PRSS12: variants seen among roughly 807,000 people sequenced by gnomAD.
The protein encoded by PRSS12 is neurotrypsin.
Under a neutral mutation model 104.4 loss-of-function variants are expected in PRSS12, and 85 were observed. That is an observed-to-expected ratio of 0.81 (90% CI 0.68 to 0.98). PRSS12 has a LOEUF of 0.98. PRSS12 is among the 50% of genes least tolerant of loss of function. The probability of loss-of-function intolerance (pLI) is 0.00; values close to 1 mark genes in which losing one functional copy is unlikely to be tolerated. For synonymous variants in PRSS12, 454 were observed against 425.2 expected (o/e 1.07, Z -0.83); for missense variants, 1,141 against 1,139.2 (o/e 1.00, Z -0.02).
At chr4:118,326,287 C>T (rs1481022381) in intron 4 of PRSS12, among the ~76,000 whole-genome samples, 1 of 152,184 alleles carries the variant, frequency 6.6e-6, no homozygotes, top group Non-Finnish European at 1.5e-5. Context: ...TCCCCGCCAT[C>T]TCCAATAATG....
chr4:118,294,514 C>T (rs1743209444), intron 11 of PRSS12, among the ~76,000 whole-genome samples: 1 of 152,154 alleles, frequency 6.6e-6, no homozygotes, highest in South Asian at 2.1e-4. Flanking sequence ...AAGAATGAAA[C>T]ATATGCAACC....
rs375473242 is a variant in PRSS12 at position 118,349,279 on chromosome 4, C to T, written c.502+2940G>A. On this transcript the variant is annotated intron_variant, in intron 1 of 12. Coordinates refer to ENST00000296498, the MANE Select transcript of PRSS12 (RefSeq NM_003619.4). ...ATATGTCGGGCATGGTAGCTCTTGC[C>T]TGTAATCCCAGCACTTTGGGAGGCT... Among the ~76,000 whole-genome samples the T allele has an allele frequency of 2.1e-4, 32 of 152,226 alleles. No individual in the cohort carries two copies. The South Asian group carries it at 6.6e-3, about 32-fold the overall frequency.
At chr4:118,315,391 C>T (rs1743879363) in intron 6 of PRSS12, among the ~76,000 whole-genome samples, 1 of 152,102 alleles carries the variant, frequency 6.6e-6, no homozygotes, top group Admixed American at 6.6e-5. Context: ...TTTAACATGG[C>T]TTTGCCTAGC....
At position 118,295,849 on chromosome 4, in the gene PRSS12, G is replaced by A. The variant is rs1743241666; in HGVS notation, c.1845C>T (p.Leu615=). The A allele has an allele frequency of 8.7e-6, 14 of 1,613,948 alleles. No individual in the cohort carries two copies. Among genetic ancestry groups the A allele is most frequent in the Non-Finnish European group, 1.1e-5 (13 of 1,179,810 alleles). ...GTAATCTCAAGCCACAAACAGATGA[G>A]AGGGACTCTGAAGCAGAAATAGGTC... is the stretch of plus-strand genomic sequence containing the variant. The part of the protein sequence containing the change: ...KASGNSNKES[L]SSVCGLRLLH... The change falls in exon 10 of 13, where the codon CTC becomes CTT. Residue 615 remains leucine (L), a synonymous_variant. Transcript: ENST00000296498.
At chr4:118,346,610 C>G (rs1268871649) in intron 1 of PRSS12, among the ~76,000 whole-genome samples, 1 of 152,046 alleles carries the variant, frequency 6.6e-6, no homozygotes, top group Non-Finnish European at 1.5e-5. Flanking sequence ...GTTATCTTAT[C>G]ACAGGGGGCC....
chr4:118,351,271 A>C (rs188035901), intron 1 of PRSS12, among the ~76,000 whole-genome samples: 1 of 152,310 alleles, frequency 6.6e-6, no homozygotes, highest in East Asian at 1.9e-4. Context: ...CACAGTGTGA[A>C]TGGAAAGCTG....
chr4:118,282,877 T>C lies in PRSS12; in HGVS notation c.2274A>G (p.Pro758=). Residue 758 remains proline, a synonymous_variant, in exon 12 of 13, where the codon CCA becomes CCG. Transcript: ENST00000296498. ...TGTAACAGTTGGATGCTGTTTTCTG[T>C]GGCCTCTCTCTCCAGAGTGGTAAAC... The part of the protein sequence containing the change: ...PACLPLWRER[P]QKTASNCYIT... 6.2e-7 allele frequency: 1 copy of C among 1,614,202 alleles called. No individual in the cohort carries two copies. The highest frequency in any genetic ancestry group is 1.1e-5 in the South Asian group (1 of 91,082).
At chr4:118,330,152 C>A (rs191581632) in intron 4 of PRSS12, among the ~76,000 whole-genome samples, 17 of 152,154 alleles carry the variant, frequency 1.1e-4, no homozygotes, top group Admixed American at 5.2e-4. Context: ...CATTTAGGTC[C>A]CATAGTCAGT....
At chr4:118,328,431 G>A (rs1342113301) in intron 4 of PRSS12, among the ~76,000 whole-genome samples, 1 of 152,148 alleles carries the variant, frequency 6.6e-6, no homozygotes, top group Non-Finnish European at 1.5e-5. Context: ...TAACCCATGA[G>A]TGTGTTCAAC....
intron 6 of PRSS12, 136 bp from the exon 7 acceptor site, chr4:118,313,533 G>A: frequency 1.0e-6 from 1 of 954,566 alleles, no homozygotes; most frequent in Non-Finnish European, 1.6e-6. Flanking sequence ...CCTACCTTGG[G>A]GACGCAGTTT....
chr4:118,284,956 C>T (rs899248480), intron 11 of PRSS12, among the ~76,000 whole-genome samples: 1 of 152,106 alleles, frequency 6.6e-6, no homozygotes, highest in Admixed American at 6.6e-5. Context: ...AAAAGCTTGG[C>T]ATTTTCTAGT....
Position 118,282,146 on chromosome 4 carries a change from C to T in PRSS12, c.2418G>A (p.Met806Ile), listed in dbSNP as rs989257409. The change falls in exon 13 of 13, where the codon ATG becomes ATA. Residue 806 changes from methionine to isoleucine, a missense_variant. Met to Ile is a conservative substitution (Grantham distance 10). Transcript: ENST00000296498. ...ERYKGRFTGR[M>I]LCAGNLHEHK... ...GTTCATGGAGGTTTCCAGCACAAAG[C>T]ATTCTCCCTGTAAACCGACCCTTAT... The T allele has an allele frequency of 6.2e-7, 1 of 1,614,086 alleles. No homozygotes were observed. Among genetic ancestry groups the T allele is most frequent in the African/African-American group, 1.3e-5 (1 of 74,918 alleles).
intron 4 of PRSS12, among the ~76,000 whole-genome samples, chr4:118,327,448 G>A (rs1723804157): frequency 6.6e-6 from 1 of 151,784 alleles, no homozygotes; most frequent in Non-Finnish European, 1.5e-5. Flanking sequence ...CACCATGCCT[G>A]GCAAAAAACA....
intron 1 of PRSS12, among the ~76,000 whole-genome samples, chr4:118,338,961 G>A (rs1724130569): frequency 6.6e-6 from 1 of 152,072 alleles, no homozygotes; most frequent in Admixed American, 6.6e-5. Context: ...TAGCCACTAG[G>A]TAGTATGTAT....
Position 118,352,899 on chromosome 4 carries a change from G to T in PRSS12, c.-179C>A. 1 of 1,400,478 alleles carries T rather than the reference G, an allele frequency of 7.1e-7. No homozygotes were observed. Among genetic ancestry groups the T allele is most frequent in the Non-Finnish European group, 9.3e-7 (1 of 1,079,042 alleles). 86.8% of individuals were successfully genotyped at this position (1,400,478 alleles called of 1,614,324 possible). A position where few individuals can be genotyped will look rare whatever the true frequency, so the allele number is the denominator to read the frequency against. Reference sequence around the variant, plus strand: ...CCTCCCGCCGCTGGTGCCCTGCCGCGCCTCGGCTCCTGTCCCCTGGCGGCG... The same window carrying T: ...CCTCCCGCCGCTGGTGCCCTGCCGCTCCTCGGCTCCTGTCCCCTGGCGGCG... On this transcript the variant is annotated 5_prime_UTR_variant, in exon 1 of 13. Coordinates refer to ENST00000296498, the MANE Select transcript of PRSS12 (RefSeq NM_003619.4).
chr4:118,294,956 T>C lies in PRSS12; in HGVS notation c.2022A>G (p.Ala674=), dbSNP rs959473801. 8 of 1,614,016 alleles carry C rather than the reference T, an allele frequency of 5.0e-6. No homozygotes were observed. The Admixed American group carries it at 6.7e-5, about 13-fold the overall frequency. The part of the protein sequence containing the change: ...TLLSSCWVLT[A]AHCFKRYGNS... ...ACACATACCTCTTGAAACAGTGTGC[T>C]GCTGTGAGGACCCAGCAGCTACTCA... The change falls in exon 11 of 13, where the codon GCA becomes GCG. Residue 674 remains alanine, a synonymous_variant. Coordinates refer to ENST00000296498, the MANE Select transcript of PRSS12 (RefSeq NM_003619.4).
At chr4:118,325,849 G>A (rs1049098393) in intron 4 of PRSS12, among the ~76,000 whole-genome samples, 1 of 152,070 alleles carries the variant, frequency 6.6e-6, no homozygotes, top group Admixed American at 6.6e-5. Context: ...TTTTTGGGCA[G>A]AGATACTCTG....
intron 5 of PRSS12, among the ~76,000 whole-genome samples, chr4:118,316,884 C>T (rs1263787124): frequency 7.0e-6 from 1 of 143,178 alleles, no homozygotes; most frequent in Non-Finnish European, 1.5e-5. Flanking sequence ...TACCCCTATT[C>T]TCTATGTAGA....
At chr4:118,304,113 T>C (rs1194025517) in intron 8 of PRSS12, among the ~76,000 whole-genome samples, 1 of 151,940 alleles carries the variant, frequency 6.6e-6, no homozygotes, top group African/African-American at 2.4e-5. Context: ...GCATAATTTC[T>C]CTCTCTCCAT....
Sources: allele counts gnomAD v4.1 joint callset (sites outside exome capture counted in the v4.1 genomes callset), GRCh38; gene constraint gnomAD v4.1.1; transcripts MANE v1.5; gene names NCBI Gene and HGNC (gene_info 2026-07-23, HGNC 2026-07-21).